EIF4G3: variants seen among roughly 807,000 people sequenced by gnomAD.
EIF4G3 encodes eukaryotic translation initiation factor 4 gamma 3.
A neutral mutation model predicts 186.4 loss-of-function variants in EIF4G3; 34 were observed. That is an observed-to-expected ratio of 0.18 (90% CI 0.14 to 0.24). The LOEUF (loss-of-function observed/expected upper bound fraction) is 0.24, where lower values mean the gene tolerates loss of function less well. Ranked by LOEUF, EIF4G3 falls within the 10% of genes least tolerant of loss-of-function variation. The pLI is 1.00. For missense variants in EIF4G3, 1,536 were observed against 1,948.5 expected, an observed-to-expected ratio of 0.79 and a Z score of 3.99; for synonymous variants, 673 against 679.5, an observed-to-expected ratio of 0.99 and a Z score of 0.15.
intron 3 of EIF4G3, among the ~76,000 whole-genome samples, chr1:21,079,221 A>T (rs958938976): frequency 6.6e-6 from 1 of 152,184 alleles, no homozygotes; most frequent in Non-Finnish European, 1.5e-5. Context: ...GTCTCTGGCG[A>T]GGTATCTCCA....
At chr1:21,020,794 C>T (rs907875840) in intron 4 of EIF4G3, among the ~76,000 whole-genome samples, 4 of 152,144 alleles carry the variant, frequency 2.6e-5, no homozygotes, top group Non-Finnish European at 4.4e-5. Flanking sequence ...TTTACTGAAA[C>T]ATGGAGTGAA....
chr1:21,083,233 T>C (rs1488676027), intron 3 of EIF4G3, among the ~76,000 whole-genome samples: 1 of 151,950 alleles, frequency 6.6e-6, no homozygotes, highest in Non-Finnish European at 1.5e-5. Flanking sequence ...AGAGTGAGAC[T>C]CTGTTAAATA....
intron 2 of EIF4G3, among the ~76,000 whole-genome samples, chr1:21,100,164 T>C (rs1572540208): frequency 6.6e-6 from 1 of 152,288 alleles, no homozygotes; most frequent in Non-Finnish European, 1.5e-5. Context: ...GGTAAATCCA[T>C]AGAGGCAGAA....
intron 5 of EIF4G3, among the ~76,000 whole-genome samples, chr1:21,002,154 T>C (rs1297407362): frequency 2.0e-5 from 3 of 152,238 alleles, no homozygotes; most frequent in Non-Finnish European, 4.4e-5. Context: ...ATGTAAAGGA[T>C]GAACAAAGAG....
At chr1:20,864,047 C>T (rs945971723) in intron 22 of EIF4G3, among the ~76,000 whole-genome samples, 2 of 152,168 alleles carry the variant, frequency 1.3e-5, no homozygotes, top group African/African-American at 4.8e-5. Context: ...CCTTAAATAG[C>T]ATACATTATT....
At chr1:20,947,019 T>C (rs888135174) in intron 13 of EIF4G3, among the ~76,000 whole-genome samples, 1 of 152,208 alleles carries the variant, frequency 6.6e-6, no homozygotes, top group Non-Finnish European at 1.5e-5. Context: ...TTTTATATGC[T>C]AATTTCAAAA....
At chr1:20,932,307 A>C (rs1020993329) in intron 14 of EIF4G3, among the ~76,000 whole-genome samples, 1 of 152,134 alleles carries the variant, frequency 6.6e-6, no homozygotes, top group African/African-American at 2.4e-5. Context: ...AGACCACTGA[A>C]ACTTTCTCCA....
At chr1:20,896,447 A>G (rs1459088009) in intron 16 of EIF4G3, among the ~76,000 whole-genome samples, 4 of 151,030 alleles carry the variant, frequency 2.6e-5, no homozygotes, top group Non-Finnish European at 4.4e-5. Flanking sequence ...AAAAAAAAAA[A>G]AAAAAGAAAA....
intron 25 of EIF4G3, among the ~76,000 whole-genome samples, chr1:20,857,055 T>C (rs2075121677): frequency 6.6e-6 from 1 of 150,820 alleles, no homozygotes; most frequent in Non-Finnish European, 1.5e-5. Context: ...CCCAGCTACT[T>C]GGGAGGCTGA....
At chr1:20,990,999 T>A (rs1030706705) in intron 7 of EIF4G3, among the ~76,000 whole-genome samples, 9 of 152,234 alleles carry the variant, frequency 5.9e-5, no homozygotes, top group Non-Finnish European at 1.3e-4. Context: ...TCTGAAGTAC[T>A]CTTGAAGAAC....
chr1:20,936,010 ACTTTAGGGCT>A (rs2095506551), intron 14 of EIF4G3, among the ~76,000 whole-genome samples: 1 of 152,214 alleles, frequency 6.6e-6, no homozygotes, highest in Admixed American at 6.5e-5. Flanking sequence ...AATGACTGAG[ACTTTAGGGCT>A]CATGATGAAA....
intron 4 of EIF4G3, among the ~76,000 whole-genome samples, chr1:21,034,022 T>G (rs1212982706): frequency 1.3e-5 from 2 of 152,172 alleles, no homozygotes; most frequent in African/African-American, 2.4e-5. Context: ...GAGGATCCCT[T>G]GAGCCCAGGA....
chr1:21,011,201 CT>C lies in EIF4G3; in HGVS notation c.-66-8394del, dbSNP rs138131684. Among the ~76,000 whole-genome samples, 300 of 125,530 alleles carry C rather than the reference CT, an allele frequency of 2.4e-3. 2 individuals are homozygous for C. The highest frequency in any genetic ancestry group is 0.013 in the East Asian group (55 of 4,112). 82.4% of individuals were successfully genotyped at this position (125,530 alleles called of 152,430 possible). A position where few individuals can be genotyped will look rare whatever the true frequency, so the allele number is the denominator to read the frequency against. On this transcript the variant is annotated intron_variant, in intron 4 of 36. Transcript: ENST00000602326. ...CCCTAAGCCTTCACGACAAATTAAA[CT>C]TTTTTTTAAAAAAAAAAAAAGGAAA...
rs951338558 is a variant in EIF4G3, at chr1:20,981,200, G to A, written c.226C>T (p.Pro76Ser). 6 of 1,611,836 alleles carry A rather than the reference G, an allele frequency of 3.7e-6. No individual in the cohort carries two copies. The highest frequency in any genetic ancestry group is 1.3e-5 in the African/African-American group (1 of 74,840). ...QFFQRPQIQP[P>S]RATIPNSSPS... ...CTGCTGTTCGGGATGGTAGCTCTAG[G>A]AGGCTGTATTTGAGGCCTCTGGAAA... Residue 76 changes from proline (P) to serine (S), a missense_variant, in exon 9 of 37, where the codon CCT (proline) becomes TCT (serine). Coordinates refer to ENST00000602326, the MANE Select transcript of EIF4G3 (RefSeq NM_001391906.1).
chr1:20,953,487 T>G (rs551330725), intron 12 of EIF4G3, among the ~76,000 whole-genome samples: 5 of 152,250 alleles, frequency 3.3e-5, no homozygotes, highest in Non-Finnish European at 7.3e-5. Flanking sequence ...GAGATCATGG[T>G]AAGCTTAGGC....
In EIF4G3 at chr1:20,956,734, A is replaced by G. The variant is rs549101167; in HGVS notation, c.715-6623T>C. ...GCCACTCAGGCTGAAGTGCAGTAGC[A>G]TGACCACAGCTCACTGTAGCCTCAA... On this transcript the variant is annotated intron_variant, in intron 12 of 36. Coordinates refer to ENST00000602326, the MANE Select transcript of EIF4G3 (RefSeq NM_001391906.1). Among the ~76,000 whole-genome samples the G allele has an allele frequency of 1.8e-4, 28 of 152,082 alleles. No homozygotes were observed. The East Asian group carries it at 4.6e-3, about 25-fold the overall frequency.
chr1:20,831,239 A>C (rs1190334418), intron 30 of EIF4G3, among the ~76,000 whole-genome samples: 1 of 151,904 alleles, frequency 6.6e-6, no homozygotes, highest in Non-Finnish European at 1.5e-5. Context: ...GTAAAATTTT[A>C]ATTGAAGAAA....
At chr1:21,063,724 G>A (rs2095068092) in intron 3 of EIF4G3, among the ~76,000 whole-genome samples, 1 of 125,044 alleles carries the variant, frequency 8.0e-6, no homozygotes. Context: ...GGGTGTTGGG[G>A]GGGGGGACGC....
chr1:21,164,176 C>G (rs1467388031), intron 2 of EIF4G3, among the ~76,000 whole-genome samples: 1 of 152,122 alleles, frequency 6.6e-6, no homozygotes, highest in Non-Finnish European at 1.5e-5. Context: ...TAACACTATG[C>G]AAAATCCAAA....
Sources: gnomAD v4.1 joint callset for allele counts (sites outside exome capture counted in the v4.1 genomes callset) on GRCh38, gnomAD v4.1.1 for gene constraint, MANE v1.5 for transcripts, NCBI Gene and HGNC (gene_info 2026-07-23, HGNC 2026-07-21) for gene names.